The following CNTNAP5 variants were observed in gnomAD, a reference collection of about 807,000 sequenced individuals.
The protein encoded by CNTNAP5 is contactin-associated protein-like 5.
In CNTNAP5, 72 loss-of-function variants were observed where a neutral mutation model predicts 150.2. That is an observed-to-expected ratio of 0.48 (90% CI 0.40 to 0.58). The LOEUF (loss-of-function observed/expected upper bound fraction) is 0.58. Among genes scored for constraint, CNTNAP5 ranks in the 20% least tolerant of loss-of-function variants. CNTNAP5 has a pLI of 0.00. For missense variants in CNTNAP5, 1,636 were observed against 1,626.2 expected (o/e 1.01, Z -0.10); for synonymous variants, 672 against 619.8 (o/e 1.08, Z -1.25).
chr2:124,340,827 A>G (rs1013546819), intron 3 of CNTNAP5, among the ~76,000 whole-genome samples: 1 of 143,198 alleles, frequency 7.0e-6, no homozygotes, highest in Non-Finnish European at 1.5e-5. Context: ...ATATATATAT[A>G]TGCGTGTGCG....
intron 20 of CNTNAP5, among the ~76,000 whole-genome samples, chr2:124,865,937 T>A (rs1677622519): frequency 2.9e-5 from 4 of 138,714 alleles, no homozygotes; most frequent in Non-Finnish European, 4.7e-5. Context: ...GAGCAAGACT[T>A]CATTAAAAAA....
intron 2 of CNTNAP5, 113 bp from the exon 3 acceptor site, chr2:124,242,087 G>T (rs960978375): frequency 3.8e-6 from 3 of 785,870 alleles, no homozygotes; most frequent in South Asian, 1.7e-5. Context: ...GGGCCCATTT[G>T]GGGGTAGAGT....
intron 22 of CNTNAP5, among the ~76,000 whole-genome samples, chr2:124,909,877 A>G (rs1678620409): frequency 8.1e-6 from 1 of 124,064 alleles, no homozygotes; most frequent in African/African-American, 3.1e-5. Context: ...CCATGTATGT[A>G]TGCATGTATG....
At chr2:124,133,651 T>C (rs1221578625) in intron 1 of CNTNAP5, among the ~76,000 whole-genome samples, 3 of 152,048 alleles carry the variant, frequency 2.0e-5, no homozygotes, top group African/African-American at 4.8e-5. Flanking sequence ...AGCACTGACT[T>C]TCTGTGGAGC....
At chr2:124,557,180 C>A (rs1464563382) in intron 10 of CNTNAP5, among the ~76,000 whole-genome samples, 1 of 152,096 alleles carries the variant, frequency 6.6e-6, no homozygotes, top group Non-Finnish European at 1.5e-5. Context: ...TGACTTGCAT[C>A]CCTAAGTGGC....
At chr2:124,497,589 G>T (rs1694179980) in intron 7 of CNTNAP5, among the ~76,000 whole-genome samples, 1 of 152,314 alleles carries the variant, frequency 6.6e-6, no homozygotes, top group Admixed American at 6.5e-5. Context: ...GCCAGGAAAT[G>T]AGTACAAATG....
At chr2:124,073,990 G>A (rs1434263463) in intron 1 of CNTNAP5, among the ~76,000 whole-genome samples, 1 of 152,048 alleles carries the variant, frequency 6.6e-6, no homozygotes, top group Non-Finnish European at 1.5e-5. Context: ...TATACACAAT[G>A]GAGTACTATT....
chr2:124,838,750 CAA>C (rs111878327), intron 19 of CNTNAP5, among the ~76,000 whole-genome samples: 1 of 152,020 alleles, frequency 6.6e-6, no homozygotes, highest in African/African-American at 2.4e-5. Context: ...TAATATTTCA[CAA>C]AAAAATAGTG....
intron 3 of CNTNAP5, among the ~76,000 whole-genome samples, chr2:124,300,731 T>C (rs1209587998): frequency 6.6e-6 from 1 of 152,186 alleles, no homozygotes; most frequent in Non-Finnish European, 1.5e-5. Context: ...CTTCCTCCAT[T>C]GCTCTGCAGG....
intron 1 of CNTNAP5, among the ~76,000 whole-genome samples, chr2:124,133,586 C>G (rs1683911005): frequency 6.6e-6 from 1 of 152,170 alleles, no homozygotes; most frequent in South Asian, 2.1e-4. Context: ...TCCTGTGAAG[C>G]CTTTGCCAAC....
chr2:124,640,043 C>A (rs1398701294), intron 12 of CNTNAP5, among the ~76,000 whole-genome samples: 2 of 152,010 alleles, frequency 1.3e-5, no homozygotes, highest in African/African-American at 4.8e-5. Flanking sequence ...AGCCTGTTAG[C>A]GAAACTTGCA....
intron 17 of CNTNAP5, among the ~76,000 whole-genome samples, chr2:124,773,947 T>A (rs55983717): frequency 0.42 from 49,735 of 119,752 alleles, 9,892 homozygotes; most frequent in East Asian, 0.8. Flanking sequence ...TGTGTGTGTG[T>A]GAGAGAGAGA....
At chr2:124,176,426 A>G (rs1002284188) in intron 1 of CNTNAP5, among the ~76,000 whole-genome samples, 1 of 152,190 alleles carries the variant, frequency 6.6e-6, no homozygotes, top group Non-Finnish European at 1.5e-5. Context: ...GGAAGCACTC[A>G]ATTGGATAGT....
chr2:124,645,728 C>T (rs191022185), intron 12 of CNTNAP5, among the ~76,000 whole-genome samples: 17 of 152,188 alleles, frequency 1.1e-4, no homozygotes, highest in African/African-American at 4.1e-4. Context: ...AATGGGAATA[C>T]CTGAAACTGG....
intron 10 of CNTNAP5, among the ~76,000 whole-genome samples, chr2:124,559,008 T>G (rs1335869553): frequency 6.6e-6 from 1 of 152,250 alleles, no homozygotes; most frequent in Non-Finnish European, 1.5e-5. Flanking sequence ...GCTGTGCATT[T>G]GCCTTTAAAA....
At chr2:124,257,884 C>T (rs140590913) in intron 3 of CNTNAP5, among the ~76,000 whole-genome samples, 488 of 152,254 alleles carry the variant, frequency 3.2e-3, no homozygotes, top group Non-Finnish European at 5.1e-3. Flanking sequence ...TGACTATTTG[C>T]CCTGGCTGTC....
chr2:124,123,348 G>T (rs373466311), intron 1 of CNTNAP5, among the ~76,000 whole-genome samples: 1 of 152,194 alleles, frequency 6.6e-6, no homozygotes, highest in Admixed American at 6.5e-5. Flanking sequence ...TGGCAGCGAG[G>T]CTGGGGGAGG....
At chr2:124,350,206 A>G (rs1333010428) in intron 3 of CNTNAP5, among the ~76,000 whole-genome samples, 2 of 151,782 alleles carry the variant, frequency 1.3e-5, no homozygotes, top group African/African-American at 4.8e-5. Flanking sequence ...TCTAAACTCA[A>G]ATTCTTCTTG....
chr2:124,069,225 G>T (rs1258823692), intron 1 of CNTNAP5, among the ~76,000 whole-genome samples: 2 of 152,200 alleles, frequency 1.3e-5, no homozygotes, highest in Admixed American at 1.3e-4. Context: ...TGGGCCAGTG[G>T]TTATGGTGGC....
Sources: gnomAD v4.1 joint callset for allele counts (sites outside exome capture counted in the v4.1 genomes callset) on GRCh38, gnomAD v4.1.1 for gene constraint, MANE v1.5 for transcripts, NCBI Gene and HGNC (gene_info 2026-07-23, HGNC 2026-07-21) for gene names.